Variants in MYO5A observed in about 807,000 individuals in gnomAD.
MYO5A encodes the protein unconventional myosin-Va.
Under a neutral mutation model 249.7 loss-of-function variants are expected in MYO5A, and 98 were observed. The ratio of observed to expected loss-of-function variants is 0.39; its 90% CI spans 0.33 to 0.46. MYO5A has a LOEUF of 0.46. MYO5A is among the 20% of genes least tolerant of loss of function. The probability of loss-of-function intolerance (pLI) is 0.98; values close to 1 mark genes in which losing one functional copy is unlikely to be tolerated. For missense variants in MYO5A, 1,696 were observed against 2,308.8 expected (o/e 0.73, Z 5.44); for synonymous variants, 778 against 810.6 (o/e 0.96, Z 0.68).
chr15:52,375,510 G>C, intron 19 of MYO5A, 50 bp from the exon 20 acceptor site: 1 of 1,594,096 alleles, frequency 6.3e-7, no homozygotes, highest in Non-Finnish European at 8.6e-7. Context: ...AAAAAATGCA[G>C]GAATACATAT....
intron 1 of MYO5A, among the ~76,000 whole-genome samples, chr15:52,500,175 A>G (rs1205114672): frequency 1.7e-4 from 26 of 152,014 alleles, no homozygotes. Context: ...CCTCTTCAAC[A>G]TTTGTATTTT....
chr15:52,512,512 G>A (rs970009390), intron 1 of MYO5A, among the ~76,000 whole-genome samples: 7 of 147,578 alleles, frequency 4.7e-5, no homozygotes, highest in Non-Finnish European at 7.6e-5. Flanking sequence ...AAATCATTTC[G>A]CTAAAAAATA....
intron 30 of MYO5A, among the ~76,000 whole-genome samples, chr15:52,344,417 C>A (rs1014306103): frequency 6.6e-6 from 1 of 152,200 alleles, no homozygotes; most frequent in African/African-American, 2.4e-5. Flanking sequence ...AACGGTATCA[C>A]CACACCTAAC....
intron 22 of MYO5A, among the ~76,000 whole-genome samples, chr15:52,369,680 T>C (rs2041000590): frequency 6.6e-6 from 1 of 152,106 alleles, no homozygotes; most frequent in Admixed American, 6.6e-5. Context: ...TGTTCCATTA[T>C]TAGAACACTA....
At chr15:52,335,255 C>T (rs934447004) in intron 34 of MYO5A, among the ~76,000 whole-genome samples, 3 of 152,144 alleles carry the variant, frequency 2.0e-5, no homozygotes. Flanking sequence ...AGCGGTGGCT[C>T]ACGCCTATAC....
At chr15:52,407,469 T>G (rs933265358) in intron 7 of MYO5A, 70 bp from the exon 8 acceptor site, 2 of 1,074,150 alleles carry the variant, frequency 1.9e-6, no homozygotes, top group African/African-American at 3.1e-5. Flanking sequence ...ATGTCCACTC[T>G]GAATCAGAGG....
chr15:52,429,372 G>T lies in MYO5A; in HGVS notation c.139-803C>A, dbSNP rs1483375990. Among the ~76,000 whole-genome samples the T allele has an allele frequency of 2.6e-5, 4 of 151,758 alleles. No individual in the cohort carries two copies. The East Asian group carries it at 7.7e-4, about 29-fold the overall frequency. Reference sequence around the variant, plus strand: ...AGTTCGAGACCAGCCTGGCCAACATGGCAAGACTCCGTCTTTATTAAAAAT... The same window carrying T: ...AGTTCGAGACCAGCCTGGCCAACATTGCAAGACTCCGTCTTTATTAAAAAT... On this transcript the variant is annotated intron_variant, in intron 2 of 41. Transcript: ENST00000399233.
At chr15:52,363,492 T>C (rs749629888) in intron 24 of MYO5A, among the ~76,000 whole-genome samples, 5 of 152,246 alleles carry the variant, frequency 3.3e-5, no homozygotes, top group Non-Finnish European at 5.9e-5. Context: ...GATTTTCTCA[T>C]CTGCAAGGTG....
chr15:52,371,304 T>C (rs2041101267), intron 21 of MYO5A, among the ~76,000 whole-genome samples: 1 of 152,198 alleles, frequency 6.6e-6, no homozygotes, highest in Non-Finnish European at 1.5e-5. Flanking sequence ...CATTTACATG[T>C]GCTAAAATAT....
chr15:52,348,390 G>A (rs2039758450), intron 29 of MYO5A, among the ~76,000 whole-genome samples: 2 of 152,208 alleles, frequency 1.3e-5, no homozygotes, highest in African/African-American at 4.8e-5. Context: ...CACTCAGGGA[G>A]ATGAAAATGG....
intron 22 of MYO5A, 42 bp downstream of exon 22, chr15:52,370,127 T>C (rs2141083999): frequency 6.2e-7 from 1 of 1,612,782 alleles, no homozygotes; most frequent in East Asian, 2.2e-5. Context: ...AGCACCTCTC[T>C]TTTGTGTACG....
At chr15:52,346,807 A>C (rs924075068) in intron 29 of MYO5A, among the ~76,000 whole-genome samples, 1 of 151,246 alleles carries the variant, frequency 6.6e-6, no homozygotes, top group African/African-American at 2.4e-5. Context: ...TATATAATAT[A>C]GTATATACAG....
intron 1 of MYO5A, among the ~76,000 whole-genome samples, chr15:52,475,216 G>A (rs2076566490): frequency 6.6e-6 from 1 of 152,186 alleles, no homozygotes; most frequent in Admixed American, 6.5e-5. Context: ...TTGTATCTCT[G>A]TGAGATCAGT....
At chr15:52,416,437 A>G in intron 4 of MYO5A, 136 bp from the exon 5 acceptor site, 1 of 821,020 alleles carries the variant, frequency 1.2e-6, no homozygotes, top group South Asian at 1.6e-5. Context: ...TATAACACCA[A>G]GGTCTCAGGT....
intron 1 of MYO5A, among the ~76,000 whole-genome samples, chr15:52,475,490 T>A (rs928595812): frequency 6.6e-6 from 1 of 152,226 alleles, no homozygotes; most frequent in African/African-American, 2.4e-5. Flanking sequence ...AGGGTGTCAA[T>A]TTTAGATCTT....
chr15:52,388,622 T>C (rs2042072322), intron 13 of MYO5A, among the ~76,000 whole-genome samples: 3 of 152,160 alleles, frequency 2.0e-5, no homozygotes, highest in African/African-American at 7.2e-5. Flanking sequence ...CTCCTTGAAA[T>C]ATAAATTACT....
At chr15:52,518,818 G>T (rs979356367) in intron 1 of MYO5A, among the ~76,000 whole-genome samples, 3 of 152,146 alleles carry the variant, frequency 2.0e-5, no homozygotes, top group Non-Finnish European at 4.4e-5. Flanking sequence ...CACAGAAAAT[G>T]ATTTATGCAA....
intron 1 of MYO5A, among the ~76,000 whole-genome samples, chr15:52,478,022 G>A (rs1396842240): frequency 6.6e-6 from 1 of 152,244 alleles, no homozygotes; most frequent in Non-Finnish European, 1.5e-5. Flanking sequence ...GGAGTCTACA[G>A]TGGCAGGCAG....
chr15:52,513,234 C>T (rs1229945373), intron 1 of MYO5A, among the ~76,000 whole-genome samples: 1 of 151,696 alleles, frequency 6.6e-6, no homozygotes, highest in African/African-American at 2.4e-5. Context: ...GGTTCAACAC[C>T]AGCCTGGCCA....
Sources: allele counts gnomAD v4.1 joint callset (sites outside exome capture counted in the v4.1 genomes callset), GRCh38; gene constraint gnomAD v4.1.1; transcripts MANE v1.5; gene names NCBI Gene and HGNC (gene_info 2026-07-23, HGNC 2026-07-21).